Variants in GALNT18 observed in about 807,000 individuals in gnomAD.
GALNT18 encodes the protein GalNAc-transferase 18.
A neutral mutation model predicts 69.5 loss-of-function variants in GALNT18; 44 were observed. That is an observed-to-expected ratio of 0.63 (90% CI 0.50 to 0.81). GALNT18 has a LOEUF of 0.81. GALNT18 is among the 40% of genes least tolerant of loss of function. GALNT18 has a pLI of 0.00. For synonymous variants in GALNT18, 364 were observed against 318.2 expected, an observed-to-expected ratio of 1.14 and a Z score of -1.53; for missense variants, 715 against 810.0, an observed-to-expected ratio of 0.88 and a Z score of 1.42.
chr11:11,295,417 TGA>T (rs989294021), intron 9 of GALNT18, among the ~76,000 whole-genome samples: 1 of 152,052 alleles, frequency 6.6e-6, no homozygotes, highest in African/African-American at 2.4e-5. Context: ...CCCAGTGGAA[TGA>T]GAGGACAGAG....
chr11:11,530,256 T>C lies in GALNT18; in HGVS notation c.236-81320A>G, dbSNP rs530409475. ...ATTCCTGCCATCTTTAGCATGCACT[T>C]AATAACTTAAGGCAATTTTTTTTAA... is the stretch of plus-strand genomic sequence containing the variant. On this transcript the variant is annotated intron_variant, in intron 1 of 10. Coordinates refer to ENST00000227756, the MANE Select transcript of GALNT18 (RefSeq NM_198516.3). 3.3e-5 allele frequency among the ~76,000 whole-genome samples: 5 copies of C among 152,238 alleles called. No homozygotes were observed. In the East Asian group the frequency reaches 7.7e-4, roughly 24 times the overall value.
Position 11,391,882 on chromosome 11 carries a change from C to T in GALNT18, c.596-12618G>A, listed in dbSNP as rs148925439. On this transcript the variant is annotated intron_variant, in intron 3 of 10. Transcript: ENST00000227756. ...GCTGTGCACACCTAAGAGGTAAGGC[C>T]GGAGCCATACCCCAGCCCTGACAGA... 3.2e-3 allele frequency among the ~76,000 whole-genome samples: 480 copies of T among 152,322 alleles called. 3 individuals are homozygous for T. Among genetic ancestry groups the T allele is most frequent in the African/African-American group, 0.01 (432 of 41,570 alleles).
chr11:11,331,829 A>G (rs1850022237), intron 8 of GALNT18, among the ~76,000 whole-genome samples: 1 of 152,240 alleles, frequency 6.6e-6, no homozygotes, highest in African/African-American at 2.4e-5. Context: ...ACTGTAAGTC[A>G]GCAAAAGCCA....
chr11:11,446,767 G>A (rs1855662450), intron 2 of GALNT18, among the ~76,000 whole-genome samples: 1 of 152,166 alleles, frequency 6.6e-6, no homozygotes, highest in Non-Finnish European at 1.5e-5. Context: ...CTTTGCAAGT[G>A]ACAATTAGCA....
intron 8 of GALNT18, among the ~76,000 whole-genome samples, chr11:11,327,546 G>A (rs1002627538): frequency 6.6e-6 from 1 of 152,214 alleles, no homozygotes. Context: ...AGTGTTGGGG[G>A]AAATGGGCAA....
At chr11:11,451,890 T>C (rs1261057784) in intron 1 of GALNT18, among the ~76,000 whole-genome samples, 1 of 152,218 alleles carries the variant, frequency 6.6e-6, no homozygotes, top group East Asian at 1.9e-4. Context: ...TCCACATTCT[T>C]TTCTCTACAC....
chr11:11,271,723 C>G (rs1478802871), intron 10 of GALNT18, among the ~76,000 whole-genome samples: 3 of 152,178 alleles, frequency 2.0e-5, no homozygotes, highest in East Asian at 1.9e-4. Flanking sequence ...CCCAGTTGGA[C>G]CTCTGGAGTC....
intron 9 of GALNT18, among the ~76,000 whole-genome samples, chr11:11,326,189 C>T (rs919503443): frequency 1.1e-4 from 17 of 151,930 alleles, no homozygotes; most frequent in South Asian, 6.3e-4. Flanking sequence ...GGACTACAGG[C>T]GCCCGCCACC....
At chr11:11,409,835 C>T (rs1397687581) in intron 3 of GALNT18, among the ~76,000 whole-genome samples, 3 of 152,176 alleles carry the variant, frequency 2.0e-5, no homozygotes, top group Admixed American at 1.3e-4. Context: ...CCTCTGTGGG[C>T]TGACTTCTGT....
chr11:11,420,515 G>T (rs1854980864), intron 3 of GALNT18, among the ~76,000 whole-genome samples: 1 of 152,200 alleles, frequency 6.6e-6, no homozygotes, highest in Non-Finnish European at 1.5e-5. Flanking sequence ...TCCACCAGAA[G>T]TTATTCCATA....
chr11:11,413,648 C>T lies in GALNT18; in HGVS notation c.595+18973G>A, dbSNP rs918814375. Among the ~76,000 whole-genome samples, 1 of 152,172 alleles carries T rather than the reference C, an allele frequency of 6.6e-6. No homozygotes were observed. Among genetic ancestry groups the T allele is most frequent in the African/African-American group, 2.4e-5 (1 of 41,442 alleles). On this transcript the variant is annotated intron_variant, in intron 3 of 10. Transcript: ENST00000227756. This position sits in a 1 kb window ranked among gnomAD's most constrained non-coding sequence, Gnocchi z 4.7. ...TCCACTCTGGGTCTGTGGCTGCACC[C>T]GGGGCCCCAGCATGGAGCAGAGGGA...
intron 9 of GALNT18, among the ~76,000 whole-genome samples, chr11:11,319,370 C>CCAG (rs1849806166): frequency 6.6e-6 from 1 of 152,190 alleles, no homozygotes; most frequent in Non-Finnish European, 1.5e-5. Context: ...TAGTCTGTTG[C>CCAG]TAGCACCAGA....
Position 11,404,741 on chromosome 11 carries a change from C to T in GALNT18, c.596-25477G>A, listed in dbSNP as rs983801534. Among the ~76,000 whole-genome samples, 13 of 152,246 alleles carry T rather than the reference C, an allele frequency of 8.5e-5. No individual in the cohort carries two copies. The highest frequency in any genetic ancestry group is 2.9e-4 in the African/African-American group (12 of 41,554). On this transcript the variant is annotated intron_variant, in intron 3 of 10. Coordinates refer to ENST00000227756, the MANE Select transcript of GALNT18 (RefSeq NM_198516.3). This position sits in a 1 kb window ranked among gnomAD's most constrained non-coding sequence, Gnocchi z 4.5. Reference sequence around the variant, plus strand: ...ATCTCAACCTTAACATCCTTTTGACCTCAACCTTCCTCCCGGCTCCAGCCC... The same window carrying T: ...ATCTCAACCTTAACATCCTTTTGACTTCAACCTTCCTCCCGGCTCCAGCCC...
chr11:11,310,237 A>G (rs1849646635), intron 9 of GALNT18, among the ~76,000 whole-genome samples: 2 of 152,244 alleles, frequency 1.3e-5, no homozygotes, highest in African/African-American at 4.8e-5. Context: ...GGTCCCAAGG[A>G]CAGGGTGAAC....
intron 1 of GALNT18, among the ~76,000 whole-genome samples, chr11:11,531,301 C>T (rs894705672): frequency 2.0e-5 from 3 of 152,168 alleles, no homozygotes; most frequent in African/African-American, 7.2e-5. Flanking sequence ...AGGAACCCTG[C>T]TAGCATTGCA....
intron 1 of GALNT18, among the ~76,000 whole-genome samples, chr11:11,498,702 G>C (rs1856916502): frequency 6.6e-6 from 1 of 152,190 alleles, no homozygotes; most frequent in Non-Finnish European, 1.5e-5. Flanking sequence ...GGGAGGCTGA[G>C]ACAGGAGAAT....
chr11:11,271,340 A>C, intron 10 of GALNT18, 50 bp from the exon 11 acceptor site: 3 of 1,583,692 alleles, frequency 1.9e-6, no homozygotes, highest in Non-Finnish European at 2.6e-6. Flanking sequence ...GGCAACATGC[A>C]GAAATTCGGG....
rs573736567 is a variant in GALNT18 at position 11,470,637 on chromosome 11, AC to A, written c.236-21702del. 5.2e-4 allele frequency among the ~76,000 whole-genome samples: 79 copies of A among 152,272 alleles called. No individual in the cohort carries two copies. The highest frequency in any genetic ancestry group is 1.8e-3 in the African/African-American group (76 of 41,558). On this transcript the variant is annotated intron_variant, in intron 1 of 10. Coordinates refer to ENST00000227756, the MANE Select transcript of GALNT18 (RefSeq NM_198516.3). The surrounding 1 kb of genome is among the most constrained non-coding windows in gnomAD (Gnocchi z 4.8). ...TAAGCTAGCTGAGATATTGGCAGAG[AC>A]AGGGGATTGACTGAAAGACCCCTTT...
At chr11:11,353,261 T>A in intron 6 of GALNT18, 1 of 994,288 alleles carries the variant, frequency 1.0e-6, no homozygotes, top group South Asian at 1.6e-5. Context: ...CTGTGGCCGC[T>A]CTCCCTTCTG....
Sources: allele counts gnomAD v4.1 joint callset (sites outside exome capture counted in the v4.1 genomes callset), GRCh38; gene constraint gnomAD v4.1.1; non-coding constraint Gnocchi (gnomAD v3.1); transcripts MANE v1.5; gene names NCBI Gene and HGNC (gene_info 2026-07-23, HGNC 2026-07-21).